MYOM1: variants seen among roughly 807,000 people sequenced by gnomAD.
The protein encoded by MYOM1 is myomesin 1, also known as myomesin-1.
Under a neutral mutation model 205.3 loss-of-function variants are expected in MYOM1, and 164 were observed. The observed-to-expected ratio is 0.80, with a 90% CI of 0.70 to 0.91. MYOM1 has a LOEUF of 0.91. Ranked by LOEUF, MYOM1 falls within the 40% of genes least tolerant of loss-of-function variation. The pLI, the probability that MYOM1 is intolerant of heterozygous loss-of-function variation, is 0.00. For synonymous variants in MYOM1, 772 were observed against 789.4 expected (o/e 0.98, Z 0.37); for missense variants, 2,011 against 2,127.3 (o/e 0.95, Z 1.08).
chr18:3,205,357 T>C (rs138336659), intron 2 of MYOM1, among the ~76,000 whole-genome samples: 293 of 152,046 alleles, frequency 1.9e-3, no homozygotes, highest in African/African-American at 6.9e-3. Flanking sequence ...ACCATTTAAA[T>C]AACTATGACA....
In MYOM1 at chr18:3,154,118, G is replaced by A. The variant is rs527944596; in HGVS notation, c.1643+829C>T. 2.0e-5 allele frequency among the ~76,000 whole-genome samples: 3 copies of A among 152,138 alleles called. No homozygotes were observed. The South Asian group carries it at 6.2e-4, about 32-fold the overall frequency. On this transcript the variant is annotated intron_variant, in intron 11 of 37. Coordinates refer to ENST00000356443, the MANE Select transcript of MYOM1 (RefSeq NM_003803.4). Reference sequence around the variant, plus strand: ...ATAAGACTTTGGTAGTATTACCAAAGTAAATATTCTTAAATTATTGACATA... The same window carrying A: ...ATAAGACTTTGGTAGTATTACCAAAATAAATATTCTTAAATTATTGACATA...
At chr18:3,073,072 C>T (rs1275678798) in intron 36 of MYOM1, among the ~76,000 whole-genome samples, 1 of 151,122 alleles carries the variant, frequency 6.6e-6, no homozygotes, top group East Asian at 2.0e-4. Flanking sequence ...CTTGGCTTCC[C>T]AAAGTGTTAG....
the MYOM1 span, among the ~76,000 whole-genome samples, chr18:3,232,848 CAT>C: frequency 6.6e-6 from 1 of 152,126 alleles, no homozygotes; most frequent in Admixed American, 6.5e-5. Context: ...ATTGGAAAAT[CAT>C]GTGTTGAGCA....
intron 16 of MYOM1, among the ~76,000 whole-genome samples, chr18:3,134,309 A>C (rs1035106540): frequency 6.6e-6 from 1 of 152,044 alleles, no homozygotes; most frequent in African/African-American, 2.4e-5. Flanking sequence ...CTCAAGTTGA[A>C]CTCAAGCTCA....
At chr18:3,193,361 T>TACATATATATATATACACACAC (rs1598758731) in intron 3 of MYOM1, among the ~76,000 whole-genome samples, 2,686 of 135,740 alleles carry the variant, frequency 0.02, 158 homozygotes, top group African/African-American at 0.075. Context: ...TATATATATA[T>TACATATATATATATACACACAC]ACACACACAC....
intron 14 of MYOM1, among the ~76,000 whole-genome samples, chr18:3,136,200 T>C (rs1486974091): frequency 6.6e-6 from 1 of 152,178 alleles, no homozygotes; most frequent in Non-Finnish European, 1.5e-5. Context: ...CACATGGAAC[T>C]GTGAGTCCAT....
chr18:3,104,051 A>G (rs1445919039), intron 22 of MYOM1, among the ~76,000 whole-genome samples: 1 of 152,242 alleles, frequency 6.6e-6, no homozygotes, highest in Non-Finnish European at 1.5e-5. Flanking sequence ...TTAATTGTCC[A>G]CCATATGTTA....
intron 14 of MYOM1, among the ~76,000 whole-genome samples, chr18:3,137,988 CAA>C (rs1452129377): frequency 6.6e-6 from 1 of 151,886 alleles, no homozygotes; most frequent in Non-Finnish European, 1.5e-5. Flanking sequence ...TTTTTTTGCC[CAA>C]GTCTTAGAAT....
intron 2 of MYOM1, among the ~76,000 whole-genome samples, chr18:3,194,682 G>T (rs934130911): frequency 1.3e-5 from 2 of 152,062 alleles, no homozygotes; most frequent in East Asian, 1.9e-4. Context: ...GAAATGAAAA[G>T]AATAGTCTTA....
At chr18:3,087,844 G>T (rs965251203) in intron 29 of MYOM1, among the ~76,000 whole-genome samples, 1 of 152,004 alleles carries the variant, frequency 6.6e-6, no homozygotes, top group Non-Finnish European at 1.5e-5. Context: ...CGCCAAGCAA[G>T]ACCCACGATA....
chr18:3,127,449 T>C (rs57187671), intron 18 of MYOM1, among the ~76,000 whole-genome samples: 29,325 of 150,854 alleles, frequency 0.19, 3,219 homozygotes, highest in East Asian at 0.33. Context: ...GTTGGGATTA[T>C]AGGTGTGCAC....
chr18:3,075,050 C>T (rs1056240229), intron 36 of MYOM1, among the ~76,000 whole-genome samples: 3 of 152,216 alleles, frequency 2.0e-5, no homozygotes, highest in Non-Finnish European at 4.4e-5. Flanking sequence ...CCACCTCGGC[C>T]TCCCAAAGTG....
intron 22 of MYOM1, 143 bp downstream of exon 22, chr18:3,112,155 G>A (rs2079536057): frequency 1.5e-6 from 1 of 665,176 alleles, no homozygotes; most frequent in South Asian, 2.2e-5. Flanking sequence ...TGACTGTCAT[G>A]TTCTAAGATC....
At chr18:3,111,018 C>G (rs568039445) in intron 22 of MYOM1, among the ~76,000 whole-genome samples, 2 of 143,978 alleles carry the variant, frequency 1.4e-5, no homozygotes, top group South Asian at 4.7e-4. Flanking sequence ...ATGGCACAAT[C>G]TCAGCTCACT....
At chr18:3,089,883 T>TAGTA (rs1337566775) in intron 27 of MYOM1, among the ~76,000 whole-genome samples, 1 of 152,228 alleles carries the variant, frequency 6.6e-6, no homozygotes, top group African/African-American at 2.4e-5. Flanking sequence ...ATCTGGGTGG[T>TAGTA]AGTAAGTGAG....
chr18:3,086,042 G>A lies in MYOM1; in HGVS notation c.4247C>T (p.Thr1416Ile), dbSNP rs146346828. The change falls in exon 30 of 38, where the codon ACA (threonine) becomes ATA (isoleucine). Residue 1416 changes from threonine (T) to isoleucine (I), a missense_variant. Coordinates refer to ENST00000356443, the MANE Select transcript of MYOM1 (RefSeq NM_003803.4). ...FKDGICTLLITEFSKKDAGIY... is the reference protein window; with the variant it reads ...FKDGICTLLIIEFSKKDAGIY... ...TTTACATTTATAATCGCCTACCTCTGTTATAAGCAGGGTACATATACCATC... is the reference window on the plus strand; with the variant it reads ...TTTACATTTATAATCGCCTACCTCTATTATAAGCAGGGTACATATACCATC... The A allele has an allele frequency of 1.9e-6, 3 of 1,589,498 alleles. No individual in the cohort carries two copies. Among genetic ancestry groups the A allele is most frequent in the East Asian group, 2.2e-5 (1 of 44,666 alleles).
At chr18:3,087,485 G>GTTTT (rs1567898303) in intron 29 of MYOM1, among the ~76,000 whole-genome samples, 1 of 141,418 alleles carries the variant, frequency 7.1e-6, no homozygotes, top group African/African-American at 2.7e-5. Flanking sequence ...TTCCTCCTAC[G>GTTTT]TTCTTTTTTT....
intron 4 of MYOM1, 80 bp downstream of exon 4, chr18:3,188,668 C>T (rs1598754032): frequency 6.4e-6 from 1 of 156,180 alleles, no homozygotes; most frequent in South Asian, 2.1e-4. Context: ...TCTATATCTA[C>T]ACACACACAC....
intron 10 of MYOM1, among the ~76,000 whole-genome samples, chr18:3,155,416 G>A (rs1266308237): frequency 6.6e-6 from 1 of 152,144 alleles, no homozygotes; most frequent in Non-Finnish European, 1.5e-5. Flanking sequence ...GGTAGAGATG[G>A]GGTTTCACCG....
Sources: allele counts gnomAD v4.1 joint callset (sites outside exome capture counted in the v4.1 genomes callset), GRCh38; gene constraint gnomAD v4.1.1; transcripts MANE v1.5; gene names NCBI Gene and HGNC (gene_info 2026-07-23, HGNC 2026-07-21).